Variants in LIMS1 observed in about 807,000 individuals in gnomAD.
LIMS1 encodes the protein LIM and senescent cell antigen-like-containing domain protein 1.
LIMS1 carries 18 observed loss-of-function variants against 44.1 expected under a neutral mutation model. The observed-to-expected ratio is 0.41, with a 90% CI of 0.28 to 0.61. LIMS1 has a LOEUF of 0.61. Ranked by LOEUF, LIMS1 falls within the 20% of genes least tolerant of loss-of-function variation. The pLI is 0.32. For synonymous variants in LIMS1, 93 were observed against 149.1 expected (o/e 0.62, Z 2.74); for missense variants, 201 against 422.0 (o/e 0.48, Z 4.59).
At chr2:108,646,747 C>T (rs567919041) in intron 1 of LIMS1, among the ~76,000 whole-genome samples, 1 of 152,246 alleles carries the variant, frequency 6.6e-6, no homozygotes, top group East Asian at 1.9e-4. Flanking sequence ...GGCTCTGTCG[C>T]CAGGCTGGAG....
chr2:108,601,903 T>G (rs576105372), intron 1 of LIMS1, among the ~76,000 whole-genome samples: 1 of 152,382 alleles, frequency 6.6e-6, no homozygotes, highest in South Asian at 2.1e-4. Flanking sequence ...TTGAGTAGTA[T>G]GGACATATTA....
intron 1 of LIMS1, among the ~76,000 whole-genome samples, chr2:108,551,923 GTATATA>G (rs201610301): frequency 1.5e-5 from 2 of 132,968 alleles, no homozygotes; most frequent in South Asian, 2.3e-4. Flanking sequence ...GTGTATATGT[GTATATA>G]TGTGTGTGTG....
rs149872769 is a variant in LIMS1, at chr2:108,606,534, A to G, written c.33-53071A>G. 5.0e-3 allele frequency among the ~76,000 whole-genome samples: 768 copies of G among 152,348 alleles called. 5 individuals are homozygous for G. The highest frequency in any genetic ancestry group is 0.02 in the Middle Eastern group (6 of 294). ...CTTTTACAATTTTATTAGCACTATCATGTTTGTATGAAGCTTCTGAACTGA... is the reference window on the plus strand; with the variant it reads ...CTTTTACAATTTTATTAGCACTATCGTGTTTGTATGAAGCTTCTGAACTGA... On this transcript the variant is annotated intron_variant, in intron 1 of 9. Coordinates refer to ENST00000544547, the Ensembl canonical transcript of LIMS1.
At chr2:108,553,628 A>C in intron 1 of LIMS1, among the ~76,000 whole-genome samples, 1 of 152,170 alleles carries the variant, frequency 6.6e-6, no homozygotes. Flanking sequence ...TTGCTTTGCA[A>C]AACACTCTTA....
chr2:108,595,334 GTA>G (rs1352558142), intron 1 of LIMS1, among the ~76,000 whole-genome samples: 11 of 152,114 alleles, frequency 7.2e-5, no homozygotes, highest in African/African-American at 2.7e-4. Context: ...ATGAGGAGGT[GTA>G]ATGTGTGCTT....
chr2:108,668,611 G>A (rs998859550), intron 2 of LIMS1, among the ~76,000 whole-genome samples: 2 of 152,032 alleles, frequency 1.3e-5, no homozygotes, highest in African/African-American at 2.4e-5. Context: ...CCATTCATCC[G>A]CTGATGGAAA....
intron 1 of LIMS1, among the ~76,000 whole-genome samples, chr2:108,550,518 A>G (rs10084394): frequency 8.0e-5 from 12 of 149,528 alleles, no homozygotes; most frequent in African/African-American, 2.2e-4. Context: ...ATAATAAAAA[A>G]AAATAAATAA....
intron 1 of LIMS1, among the ~76,000 whole-genome samples, chr2:108,653,911 G>C (rs1305754986): frequency 8.5e-6 from 1 of 117,312 alleles, no homozygotes; most frequent in African/African-American, 2.9e-5. Context: ...TCCTTGATCA[G>C]CCTTCCGATG....
At chr2:108,615,602 AG>A (rs1274610396) in intron 1 of LIMS1, among the ~76,000 whole-genome samples, 1 of 152,186 alleles carries the variant, frequency 6.6e-6, no homozygotes, top group Admixed American at 6.5e-5. Context: ...GAGGCTGTTC[AG>A]GGTTCTCCTC....
At chr2:108,683,936 G>A in exon 10 of LIMS1, 1 of 1,605,566 alleles carries the variant, frequency 6.2e-7, no homozygotes, top group Non-Finnish European at 8.5e-7. Context: ...AGTGCTATGA[G>A]AAATTTCCAT....
intron 1 of LIMS1, among the ~76,000 whole-genome samples, chr2:108,615,851 T>C (rs1687900033): frequency 6.6e-6 from 1 of 152,124 alleles, no homozygotes; most frequent in Non-Finnish European, 1.5e-5. Flanking sequence ...AGTGGAACAA[T>C]GGAGGACTGT....
intron 5 of LIMS1, among the ~76,000 whole-genome samples, chr2:108,675,592 T>G (rs1486512596): frequency 6.6e-6 from 1 of 152,206 alleles, no homozygotes; most frequent in African/African-American, 2.4e-5. Flanking sequence ...GACTAAAATG[T>G]AATGTGATAA....
At chr2:108,536,310 A>C (rs1012390323) in intron 1 of LIMS1, among the ~76,000 whole-genome samples, 2 of 152,358 alleles carry the variant, frequency 1.3e-5, no homozygotes, top group Admixed American at 6.5e-5. Flanking sequence ...CCTATTAAAC[A>C]ATAATTCTCC....
At chr2:108,606,655 C>T (rs1442220271) in intron 1 of LIMS1, among the ~76,000 whole-genome samples, 1 of 152,222 alleles carries the variant, frequency 6.6e-6, no homozygotes, top group Admixed American at 6.5e-5. Flanking sequence ...GTATAAACAA[C>T]ACACAATACA....
chr2:108,649,522 T>C (rs184785609), intron 1 of LIMS1, among the ~76,000 whole-genome samples: 2 of 152,318 alleles, frequency 1.3e-5, no homozygotes, highest in African/African-American at 4.8e-5. Flanking sequence ...CACATGCACA[T>C]GTATGTTTGT....
At chr2:108,585,517 T>G (rs1031142757) in intron 1 of LIMS1, among the ~76,000 whole-genome samples, 1 of 152,244 alleles carries the variant, frequency 6.6e-6, no homozygotes, top group Non-Finnish European at 1.5e-5. Context: ...TGATGTATGA[T>G]TGCGAAGTTT....
intron 1 of LIMS1, among the ~76,000 whole-genome samples, chr2:108,591,333 G>A (rs943210025): frequency 1.1e-4 from 17 of 152,146 alleles, no homozygotes; most frequent in Non-Finnish European, 2.9e-5. Context: ...CAAATGATGC[G>A]GTGGGGCCTG....
chr2:108,566,849 A>T lies in LIMS1; in HGVS notation c.32+32255A>T, dbSNP rs150455751. On this transcript the variant is annotated intron_variant, in intron 1 of 9. Transcript: ENST00000544547. The stretch of plus-strand genomic sequence containing the variant: ...TGACCTCAGGTGATGCTCCCGCCTC[A>T]GCCTTCCAACGTGCTGGGATTACAG... Among the ~76,000 whole-genome samples, 672 of 152,262 alleles carry T rather than the reference A, an allele frequency of 4.4e-3. 4 individuals carry two copies. Among genetic ancestry groups the T allele is most frequent in the South Asian group, 0.014 (68 of 4,820 alleles).
intron 1 of LIMS1, among the ~76,000 whole-genome samples, chr2:108,630,881 AT>A (rs1558818173): frequency 6.6e-6 from 1 of 152,188 alleles, no homozygotes; most frequent in Non-Finnish European, 1.5e-5. Context: ...TTAAGCTTTC[AT>A]ATTTTGTGTT....
Sources: allele counts gnomAD v4.1 joint callset (sites outside exome capture counted in the v4.1 genomes callset), GRCh38; gene constraint gnomAD v4.1.1; transcripts MANE v1.5; gene names NCBI Gene and HGNC (gene_info 2026-07-23, HGNC 2026-07-21).